The following MTCH1 variants were observed in gnomAD, a reference collection of about 807,000 sequenced individuals.
MTCH1 encodes mitochondrial carrier 1.
In MTCH1, 23 loss-of-function variants were observed where a neutral mutation model predicts 49.3. The observed-to-expected ratio is 0.47, with a 90% CI of 0.34 to 0.66. The LOEUF (loss-of-function observed/expected upper bound fraction) is 0.66, where lower values mean the gene tolerates loss of function less well. Ranked by LOEUF, MTCH1 falls within the 30% of genes least tolerant of loss-of-function variation. The pLI, the probability that MTCH1 is intolerant of heterozygous loss-of-function variation, is 0.01. For synonymous variants in MTCH1, 229 were observed against 215.2 expected, an observed-to-expected ratio of 1.06 and a Z score of -0.56; for missense variants, 397 against 532.1, an observed-to-expected ratio of 0.75 and a Z score of 2.50.
At chr6:36,981,817 G>C in intron 1 of MTCH1, 145 bp from the exon 2 acceptor site, 1 of 696,834 alleles carries the variant, frequency 1.4e-6, no homozygotes, top group Non-Finnish European at 2.3e-6. Flanking sequence ...CCCCATCAAA[G>C]CATACCAGAA....
At chr6:36,978,216 G>A in intron 3 of MTCH1, 61 bp from the exon 4 acceptor site, 1 of 1,432,060 alleles carries the variant, frequency 7.0e-7, no homozygotes, top group Admixed American at 1.7e-5. Context: ...ACTCTTCGGG[G>A]ACTTGGGCGG....
chr6:36,976,765 T>C lies in MTCH1; in HGVS notation c.701+434A>G, dbSNP rs533224838. On this transcript the variant is annotated intron_variant, in intron 6 of 11. Transcript: ENST00000373627. ...ATCTAGGTGAGGGTCTGGTACACAA[T>C]GGAAGGGATGAGCCCCAAGCCCATG... 3.3e-5 allele frequency among the ~76,000 whole-genome samples: 5 copies of C among 151,872 alleles called. No individual in the cohort carries two copies. The South Asian group carries it at 6.2e-4, about 19-fold the overall frequency.
chr6:36,977,761 T>C lies in MTCH1; in HGVS notation c.592-70A>G, dbSNP rs41272206. On this transcript the variant is annotated intron_variant, in intron 4 of 11. Transcript: ENST00000373627. The surrounding 1 kb of genome is among the most constrained non-coding windows in gnomAD (Gnocchi z 5.4). The stretch of plus-strand genomic sequence containing the variant: ...TCTGGAACTGGCCCTCGAGGGGAGC[T>C]ACAAGTGCTCAGGAGGGAGAAACCT... The C allele has an allele frequency of 0.044, 61,213 of 1,380,632 alleles. 1,595 individuals carry two copies. The highest frequency in any genetic ancestry group is 0.056 in the African/African-American group (3,917 of 69,956). 85.5% of individuals were successfully genotyped at this position (1,380,632 alleles called of 1,614,324 possible).
intron 7 of MTCH1, among the ~76,000 whole-genome samples, chr6:36,975,216 C>T (rs1457644170): frequency 5.9e-5 from 9 of 152,196 alleles, no homozygotes; most frequent in South Asian, 2.1e-4. Flanking sequence ...TAAATGTTAA[C>T]GGCAACAACT....
At chr6:36,980,728 G>A (rs1764056296) in intron 2 of MTCH1, among the ~76,000 whole-genome samples, 1 of 152,238 alleles carries the variant, frequency 6.6e-6, no homozygotes, top group Non-Finnish European at 1.5e-5. Context: ...AGAGGTGCAG[G>A]AAACTGGAGG....
upstream of MTCH1, chr6:36,986,215 C>A: frequency 7.2e-7 from 1 of 1,381,358 alleles, no homozygotes; most frequent in South Asian, 1.6e-5. Context: ...GTGACGGGGC[C>A]ACGCCCCCTC....
chr6:36,975,914 A>G (rs1222989022), intron 6 of MTCH1, among the ~76,000 whole-genome samples, 197 bp from the exon 7 acceptor site: 1 of 152,170 alleles, frequency 6.6e-6, no homozygotes, highest in Non-Finnish European at 1.5e-5. Context: ...TACACAGTTC[A>G]TGGAGACTGG....
intron 7 of MTCH1, among the ~76,000 whole-genome samples, chr6:36,974,464 T>G (rs1246007604): frequency 6.6e-6 from 1 of 152,222 alleles, no homozygotes; most frequent in Non-Finnish European, 1.5e-5. Flanking sequence ...CTTGGTCTCC[T>G]GACAGCTGCA....
At chr6:36,981,791 C>T (rs1764104985) in intron 1 of MTCH1, 119 bp from the exon 2 acceptor site, 2 of 831,262 alleles carry the variant, frequency 2.4e-6, no homozygotes, top group African/African-American at 1.8e-5. Flanking sequence ...TCTAATGTGG[C>T]TCTTGTTCAT....
chr6:36,972,835 G>C lies in MTCH1; in HGVS notation c.762-39C>G. The C allele has an allele frequency of 6.6e-7, 1 of 1,521,610 alleles. No individual in the cohort carries two copies. Among genetic ancestry groups the C allele is most frequent in the Non-Finnish European group, 8.9e-7 (1 of 1,123,234 alleles). 94.3% of individuals were successfully genotyped at this position (1,521,610 alleles called of 1,614,324 possible). A position where few individuals can be genotyped will look rare whatever the true frequency, so the allele number is the denominator to read the frequency against. ...TAAGCAGAGATGAGCAGGAGAGGGA[G>C]AGGAGCAGTTCCTGGGGGCTCCACA... On this transcript the variant is annotated intron_variant, in intron 7 of 11. Transcript: ENST00000373627. This position sits in a 1 kb window ranked among gnomAD's most constrained non-coding sequence, Gnocchi z 4.1.
chr6:36,977,161 G>A lies in MTCH1; in HGVS notation c.701+38C>T. ...GCCTGCCCTGGCCGACTCTGAAAGG[G>A]TAACAGGGCCACTCTGCCAGTCCCA... is the stretch of plus-strand genomic sequence containing the variant. On this transcript the variant is annotated intron_variant, in intron 6 of 11. Coordinates refer to ENST00000373627, the MANE Select transcript of MTCH1 (RefSeq NM_001271641.2). This position sits in a 1 kb window ranked among gnomAD's most constrained non-coding sequence, Gnocchi z 5.4. The A allele has an allele frequency of 6.2e-7, 1 of 1,609,966 alleles. No individual in the cohort carries two copies. The highest frequency in any genetic ancestry group is 8.5e-7 in the Non-Finnish European group (1 of 1,176,466).
chr6:36,975,754 A>C, intron 6 of MTCH1, 37 bp from the exon 7 acceptor site: 2 of 1,600,962 alleles, frequency 1.2e-6, no homozygotes, highest in Non-Finnish European at 1.7e-6. Context: ...AGGGTCATGC[A>C]GTCACCTACC....
In MTCH1 at chr6:36,986,052, C is replaced by T. The variant is rs1229335090; in HGVS notation, c.122G>A (p.Arg41His). The T allele has an allele frequency of 1.4e-6, 2 of 1,477,704 alleles. No individual in the cohort carries two copies. The highest frequency in any genetic ancestry group is 1.8e-6 in the Non-Finnish European group (2 of 1,122,070). 91.5% of individuals were successfully genotyped at this position (1,477,704 alleles called of 1,614,324 possible). The change falls in exon 1 of 12, where the codon CGC becomes CAC. Residue 41 changes from arginine to histidine, a missense_variant. Around this residue, in one of 2 missense-constraint regions of MTCH1, gnomAD observed 145 missense variants for 143.8 expected, o/e 1.01. Coordinates refer to ENST00000373627, the MANE Select transcript of MTCH1 (RefSeq NM_001271641.2). ...TGCGCGGTGCGCGGGCGGTGGATCG[C>T]GAGCTCGAGCCTCGACCCCCGCCGC... is the stretch of plus-strand genomic sequence containing the variant. ...GAAAGVEARARDPPPAHRAHP... is the reference protein window; with the variant it reads ...GAAAGVEARAHDPPPAHRAHP...
At chr6:36,971,011 G>A (rs1465325671) in intron 8 of MTCH1, 1 of 436,988 alleles carries the variant, frequency 2.3e-6, no homozygotes, top group Non-Finnish European at 4.3e-6. Flanking sequence ...CACGCAGTCA[G>A]TGCTAAGACA....
upstream of MTCH1, among the ~76,000 whole-genome samples, chr6:36,986,458 G>A (rs1764325507): frequency 1.3e-5 from 2 of 152,030 alleles, no homozygotes; most frequent in Admixed American, 1.3e-4. Flanking sequence ...CAGAGCACGC[G>A]GGGGCGGGGT....
In MTCH1 at chr6:36,986,126, G is replaced by C. The variant is rs778659193; in HGVS notation, c.48C>G (p.Ala16=). The C allele has an allele frequency of 4.2e-5, 61 of 1,435,384 alleles. No individual in the cohort carries two copies. The highest frequency in any genetic ancestry group is 5.3e-5 in the Non-Finnish European group (58 of 1,104,010). The allele number at this position is 1,435,384 out of a possible 1,614,324, so 88.9% of individuals were successfully genotyped here. The change falls in exon 1 of 12, where the codon GCC becomes GCG. Residue 16 remains alanine, a synonymous_variant. Coordinates refer to ENST00000373627, the MANE Select transcript of MTCH1 (RefSeq NM_001271641.2). ...PEVAPWARGG[A]AGMAGAGAGA... ...CAGCTCCGGCTCCCGCCATCCCCGC[G>C]GCACCGCCGCGAGCCCAGGGCGCCA... is the stretch of plus-strand genomic sequence containing the variant.
At chr6:36,969,772 T>A in intron 11 of MTCH1, 1 of 1,356,620 alleles carries the variant, frequency 7.4e-7, no homozygotes, top group Non-Finnish European at 9.5e-7. Flanking sequence ...CTCTTATCCT[T>A]ATCCTAAGAG....
At chr6:36,970,948 T>C in intron 8 of MTCH1, 1 of 550,404 alleles carries the variant, frequency 1.8e-6, no homozygotes, top group Non-Finnish European at 3.3e-6. Context: ...CCCACCGGAC[T>C]GTGAGCCTCA....
At chr6:36,984,603 T>TC (rs982398384) in intron 1 of MTCH1, among the ~76,000 whole-genome samples, 4 of 151,908 alleles carry the variant, frequency 2.6e-5, no homozygotes, top group African/African-American at 7.3e-5. Flanking sequence ...TTTACCTTCC[T>TC]CCCCCCAAGC....
Sources: allele counts gnomAD v4.1 joint callset (sites outside exome capture counted in the v4.1 genomes callset), GRCh38; gene constraint gnomAD v4.1.1; regional missense constraint gnomAD v4.1.1; non-coding constraint Gnocchi (gnomAD v3.1); transcripts MANE v1.5; gene names NCBI Gene and HGNC (gene_info 2026-07-23, HGNC 2026-07-21).